The following VMP1 variants were observed in gnomAD, a reference collection of about 807,000 sequenced individuals.
VMP1 encodes the protein ectopic P-granules autophagy protein 3 homolog.
VMP1 carries 11 observed loss-of-function variants against 56.0 expected under a neutral mutation model. That is an observed-to-expected ratio of 0.20 (90% CI 0.12 to 0.32). VMP1 has a LOEUF of 0.32. VMP1 is among the 10% of genes least tolerant of loss of function. The pLI is 1.00. For missense variants in VMP1, 296 were observed against 490.3 expected (o/e 0.60, Z 3.74); for synonymous variants, 149 against 165.0 (o/e 0.90, Z 0.74).
intron 5 of VMP1, among the ~76,000 whole-genome samples, chr17:59,743,997 C>T (rs2035324038): frequency 6.6e-6 from 1 of 151,890 alleles, no homozygotes; most frequent in Non-Finnish European, 1.5e-5. Flanking sequence ...CCTCTAGTTT[C>T]TCACCCTTAA....
chr17:59,789,985 A>G (rs933556900), intron 7 of VMP1, among the ~76,000 whole-genome samples: 1 of 151,566 alleles, frequency 6.6e-6, no homozygotes. Flanking sequence ...GACTACAAGC[A>G]CACGCCACCA....
rs536368995 is a variant in VMP1 at position 59,841,892 on chromosome 17, G to A, written c.*1981G>A. On this transcript the variant is annotated 3_prime_UTR_variant, in exon 12 of 12. Coordinates refer to ENST00000262291, the MANE Select transcript of VMP1 (RefSeq NM_030938.5). ...TTATTAAATAGAAAAAAAAAATTTTGTTTCCTAGGTTGAAGGTCTAATTGA... is the reference window on the plus strand; with the variant it reads ...TTATTAAATAGAAAAAAAAAATTTTATTTCCTAGGTTGAAGGTCTAATTGA... 21 of 152,212 alleles carry A rather than the reference G, an allele frequency of 1.4e-4. No individual in the cohort carries two copies. Among genetic ancestry groups the A allele is most frequent in the Admixed American group, 1.0e-3 (16 of 15,286 alleles). The allele number at this position is 152,212 out of a possible 1,614,324, so 9.4% of individuals were successfully genotyped here.
intron 7 of VMP1, among the ~76,000 whole-genome samples, chr17:59,801,970 G>C (rs895819778): frequency 6.6e-6 from 1 of 152,128 alleles, no homozygotes; most frequent in East Asian, 1.9e-4. Flanking sequence ...GGAGGCCAAG[G>C]TGGGCAGATC....
chr17:59,825,401 C>T (rs1437912104), intron 10 of VMP1, among the ~76,000 whole-genome samples: 1 of 151,958 alleles, frequency 6.6e-6, no homozygotes, highest in Non-Finnish European at 1.5e-5. Context: ...CGATTTAATA[C>T]TAATTTTTAT....
intron 7 of VMP1, among the ~76,000 whole-genome samples, chr17:59,794,569 G>A (rs1213252716): frequency 7.5e-6 from 1 of 133,202 alleles, no homozygotes; most frequent in Non-Finnish European, 1.6e-5. Flanking sequence ...ATCTAAGTAG[G>A]GAGAGAGACA....
chr17:59,838,463 C>T (rs185222973), intron 11 of VMP1, 66 bp downstream of exon 11: 160 of 1,518,974 alleles, frequency 1.1e-4, no homozygotes, highest in Non-Finnish European at 1.3e-4. Context: ...ATTCACAGCT[C>T]TCACTCACAT....
At chr17:59,712,275 A>T (rs1451333281) in intron 1 of VMP1, among the ~76,000 whole-genome samples, 1 of 152,204 alleles carries the variant, frequency 6.6e-6, no homozygotes, top group South Asian at 2.1e-4. Context: ...AAGTTCCAGT[A>T]AATAAATATC....
At chr17:59,825,877 C>T (rs1232324434) in intron 10 of VMP1, among the ~76,000 whole-genome samples, 1 of 152,208 alleles carries the variant, frequency 6.6e-6, no homozygotes, top group African/African-American at 2.4e-5. Flanking sequence ...TGTTTCTTAT[C>T]CCTCACTCTA....
intron 10 of VMP1, among the ~76,000 whole-genome samples, chr17:59,835,474 T>C (rs577444987): frequency 1.3e-4 from 19 of 151,250 alleles, no homozygotes; most frequent in Admixed American, 7.9e-4. Context: ...GGAAAGTTCT[T>C]ATAAATATGC....
At position 59,839,996 on chromosome 17, in the gene VMP1, C is replaced by G; in HGVS notation, c.*85C>G. On this transcript the variant is annotated 3_prime_UTR_variant, in exon 12 of 12. Coordinates refer to ENST00000262291, the MANE Select transcript of VMP1 (RefSeq NM_030938.5). ...GACTCCAAGCCGGGAAGGAAAATTC[C>G]CTTTTCCAACCTGTATCAATTTTTA... 6.6e-7 allele frequency: 1 copy of G among 1,526,538 alleles called. No homozygotes were observed. Among genetic ancestry groups the G allele is most frequent in the Non-Finnish European group, 8.8e-7 (1 of 1,130,420 alleles). 94.6% of individuals were successfully genotyped at this position (1,526,538 alleles called of 1,614,324 possible).
chr17:59,721,991 A>G (rs757186314), intron 1 of VMP1, among the ~76,000 whole-genome samples: 54 of 152,330 alleles, frequency 3.5e-4, no homozygotes, highest in Non-Finnish European at 6.3e-4. Flanking sequence ...GTGTCCTTAC[A>G]TAGTCTTTCC....
intron 5 of VMP1, among the ~76,000 whole-genome samples, chr17:59,761,886 T>C (rs1272115221): frequency 6.6e-6 from 1 of 152,210 alleles, no homozygotes; most frequent in Non-Finnish European, 1.5e-5. Flanking sequence ...CTCAGCCTTC[T>C]TGAATCCTGA....
chr17:59,792,134 A>C (rs1328207495), intron 7 of VMP1, among the ~76,000 whole-genome samples: 1 of 152,074 alleles, frequency 6.6e-6, no homozygotes, highest in Non-Finnish European at 1.5e-5. Context: ...AAAATTAATC[A>C]TACATGGTGG....
At chr17:59,717,264 T>C (rs765732996) in intron 1 of VMP1, among the ~76,000 whole-genome samples, 10 of 152,256 alleles carry the variant, frequency 6.6e-5, no homozygotes, top group Non-Finnish European at 1.3e-4. Flanking sequence ...GCCACCGCGC[T>C]CGGCCGGTCC....
intron 10 of VMP1, among the ~76,000 whole-genome samples, chr17:59,834,419 C>T (rs573243194): frequency 6.2e-4 from 95 of 152,116 alleles, no homozygotes; most frequent in African/African-American, 2.0e-3. Flanking sequence ...CATGTGCCAC[C>T]GTGCCTGGCT....
At chr17:59,739,689 A>C (rs1387821190) in intron 5 of VMP1, among the ~76,000 whole-genome samples, 2 of 135,178 alleles carry the variant, frequency 1.5e-5, no homozygotes, top group East Asian at 4.4e-4. Flanking sequence ...GCGCCACTGC[A>C]CTCCAGCCTG....
At chr17:59,755,140 C>T (rs57240614) in intron 5 of VMP1, among the ~76,000 whole-genome samples, 12 of 151,346 alleles carry the variant, frequency 7.9e-5, no homozygotes, top group Non-Finnish European at 2.9e-5. Context: ...CGGAGACTCA[C>T]TCTGTCTCCC....
At chr17:59,709,118 T>G (rs115172772) in intron 1 of VMP1, among the ~76,000 whole-genome samples, 200 of 152,350 alleles carry the variant, frequency 1.3e-3, no homozygotes, top group African/African-American at 4.6e-3. Flanking sequence ...CATATTTTTC[T>G]TATTTTGAGT....
intron 11 of VMP1, 27 bp downstream of exon 11, chr17:59,838,424 C>T (rs2039054074): frequency 1.2e-6 from 2 of 1,610,378 alleles, no homozygotes; most frequent in East Asian, 4.5e-5. Flanking sequence ...GTTTCTTCTC[C>T]CCTCTGGGAA....
Sources: gnomAD v4.1 joint callset for allele counts (sites outside exome capture counted in the v4.1 genomes callset) on GRCh38, gnomAD v4.1.1 for gene constraint, MANE v1.5 for transcripts, NCBI Gene and HGNC (gene_info 2026-07-23, HGNC 2026-07-21) for gene names.